The following ATXN2L variants were observed in gnomAD, a reference collection of about 807,000 sequenced individuals.
ATXN2L encodes the protein ataxin-2-like protein.
In ATXN2L, 24 loss-of-function variants were observed where a neutral mutation model predicts 120.7. The ratio of observed to expected loss-of-function variants is 0.20; its 90% confidence interval spans 0.14 to 0.28. ATXN2L has a LOEUF of 0.28. Among genes scored for constraint, ATXN2L ranks in the 10% least tolerant of loss-of-function variants. ATXN2L has a pLI of 1.00. For synonymous variants in ATXN2L, 653 were observed against 568.1 expected (o/e 1.15, Z -2.13); for missense variants, 1,312 against 1,432.3 (o/e 0.92, Z 1.36).
intron 4 of ATXN2L, 79 bp downstream of exon 4, chr16:28,825,920 T>C (rs2051771858): frequency 1.5e-6 from 2 of 1,343,474 alleles, no homozygotes; most frequent in South Asian, 1.2e-5. Flanking sequence ...AGGTGTCAAT[T>C]GGGTGATGTC....
intron 8 of ATXN2L, 25 bp from the exon 9 acceptor site, chr16:28,830,590 G>C: frequency 6.5e-7 from 1 of 1,534,864 alleles, no homozygotes; most frequent in Middle Eastern, 1.8e-4. Flanking sequence ...GTGGCTACCT[G>C]GCCTTATTTG....
In ATXN2L at chr16:28,835,624, G is replaced by A. The variant is rs904683751; in HGVS notation, c.2761G>A (p.Gly921Ser). The change falls in exon 21 of 22, where the codon GGC becomes AGC. Residue 921 changes from glycine to serine, a missense_variant. Coordinates refer to ENST00000336783, the MANE Select transcript of ATXN2L (RefSeq NM_007245.4). ...TCTGTACCACCCAGGGGCCCTGACA[G>A]GCACGCCGCCCTCTCTGCCACCGGG... ...QNLYHPGALT[G>S]TPPSLPPGPS... The A allele has an allele frequency of 6.2e-7, 1 of 1,614,000 alleles. No individual in the cohort carries two copies. Among genetic ancestry groups the A allele is most frequent in the African/African-American group, 1.3e-5 (1 of 75,024 alleles).
chr16:28,833,377 C>T, intron 14 of ATXN2L, 23 bp downstream of exon 14: 4 of 1,613,658 alleles, frequency 2.5e-6, no homozygotes, highest in Non-Finnish European at 3.4e-6. Flanking sequence ...GGGTGGGGCT[C>T]TGGGAGGATG....
intron 10 of ATXN2L, among the ~76,000 whole-genome samples, chr16:28,831,338 C>A (rs1003302759): frequency 6.6e-6 from 1 of 151,720 alleles, no homozygotes; most frequent in Non-Finnish European, 1.5e-5. Context: ...TTGTTTTTTT[C>A]TTTTTTTGAA....
In ATXN2L at chr16:28,834,052, C is replaced by T. The variant is rs766185792; in HGVS notation, c.2026-13C>T. On this transcript the variant is annotated splice_polypyrimidine_tract_variant and intron_variant, in intron 15 of 21. Coordinates refer to ENST00000336783, the MANE Select transcript of ATXN2L (RefSeq NM_007245.4). ...AAAATACAAAATAAAATTGTCCTCC[C>T]TTGTTTTTGCAGAATAAATCCACCA... 1.9e-6 allele frequency: 3 copies of T among 1,610,406 alleles called. No individual in the cohort carries two copies. The South Asian group carries it at 3.3e-5, about 18-fold the overall frequency.
intron 6 of ATXN2L, among the ~76,000 whole-genome samples, chr16:28,827,309 C>T (rs1020177100): frequency 5.3e-5 from 8 of 152,078 alleles, no homozygotes; most frequent in African/African-American, 1.7e-4. Flanking sequence ...TGGCATGTAC[C>T]TGTAGTCCCA....
chr16:28,829,029 C>T (rs1410708027), intron 6 of ATXN2L, among the ~76,000 whole-genome samples: 1 of 152,216 alleles, frequency 6.6e-6, no homozygotes, highest in Non-Finnish European at 1.5e-5. Flanking sequence ...CCACGCCCAG[C>T]TAGTCGCCCA....
At chr16:28,823,809 G>T (rs573950029) in intron 1 of ATXN2L, 1 of 396,698 alleles carries the variant, frequency 2.5e-6, no homozygotes, top group East Asian at 3.9e-5. Context: ...GGCCTTCAGG[G>T]GAGGCGGGGC....
intron 15 of ATXN2L, 196 bp from the exon 16 acceptor site, chr16:28,833,869 T>A: frequency 4.1e-6 from 3 of 724,318 alleles, no homozygotes; most frequent in Non-Finnish European, 6.7e-6. Context: ...ATCTTGGACG[T>A]CACTTACATT....
chr16:28,825,550 G>A (rs986922942), intron 2 of ATXN2L, 74 bp from the exon 3 acceptor site: 9 of 1,548,442 alleles, frequency 5.8e-6, no homozygotes, highest in African/African-American at 2.7e-5. Context: ...AGTAGAGTGC[G>A]GCGGGCATTT....
intron 1 of ATXN2L, 36 bp from the exon 2 acceptor site, chr16:28,825,330 G>T: frequency 1.2e-6 from 2 of 1,608,876 alleles, no homozygotes; most frequent in East Asian, 2.2e-5. Context: ...AAGAGGGCTT[G>T]AACAGACTTA....
chr16:28,826,453 T>C, intron 5 of ATXN2L, 63 bp downstream of exon 5: 1 of 1,550,994 alleles, frequency 6.4e-7, no homozygotes, highest in Non-Finnish European at 8.8e-7. Context: ...GGGTAGTTTG[T>C]GTGCAGGTGG....
At chr16:28,829,608 C>A in intron 7 of ATXN2L, 116 bp downstream of exon 7, 1 of 850,098 alleles carries the variant, frequency 1.2e-6, no homozygotes, top group Non-Finnish European at 1.9e-6. Flanking sequence ...TCCAGGGTCG[C>A]CATCCCTACT....
In ATXN2L at chr16:28,830,019, G is replaced by A. The variant is rs138781614; in HGVS notation, c.995G>A (p.Arg332Gln). The A allele has an allele frequency of 6.8e-6, 11 of 1,614,004 alleles. No homozygotes were observed. Among genetic ancestry groups the A allele is most frequent in the East Asian group, 2.2e-5 (1 of 44,874 alleles). The change falls in exon 8 of 22, where the codon CGG (arginine) becomes CAG (glutamine). Residue 332 changes from arginine (R) to glutamine (Q), a missense_variant. Coordinates refer to ENST00000336783, the MANE Select transcript of ATXN2L (RefSeq NM_007245.4). Reference sequence around the variant, plus strand: ...GAGGAGAAGCACAGTGCAGTCCAGCGGCAGGGCTCAGGGCGGGAGAGCCCC... The same window carrying A: ...GAGGAGAAGCACAGTGCAGTCCAGCAGCAGGGCTCAGGGCGGGAGAGCCCC... The part of the protein sequence containing the change: ...TEEEKHSAVQ[R>Q]QGSGRESPSL...
Position 28,831,006 on chromosome 16 carries a change from G to T in ATXN2L, c.1255G>T (p.Ala419Ser), listed in dbSNP as rs768743112. 1 of 1,609,104 alleles carries T rather than the reference G, an allele frequency of 6.2e-7. No individual in the cohort carries two copies. Among genetic ancestry groups the T allele is most frequent in the Middle Eastern group, 1.7e-4 (1 of 6,048 alleles). The change falls in exon 10 of 22, where the codon GCC becomes TCC. Residue 419 changes from alanine to serine, a missense_variant. Transcript: ENST00000336783. ...SPKAQRPLRGAKTLSSPSNRP... is the reference protein window; with the variant it reads ...SPKAQRPLRGSKTLSSPSNRP... Reference sequence around the variant, plus strand: ...AAAGGCACAACGGCCTCTGAGAGGTGCCAAGACTCTGTCTTCGCCCAGTAA... The same window carrying T: ...AAAGGCACAACGGCCTCTGAGAGGTTCCAAGACTCTGTCTTCGCCCAGTAA...
Position 28,833,421 on chromosome 16 carries a change from C to T in ATXN2L, c.1956-18C>T. 4 of 1,614,166 alleles carry T rather than the reference C, an allele frequency of 2.5e-6. No homozygotes were observed. The highest frequency in any genetic ancestry group is 1.1e-5 in the South Asian group (1 of 91,080). ...GATGAGAGCAAGCCGTGAAGATTTACTGTACTTTCTCTCACAGACAAGTAA... is the reference window on the plus strand; with the variant it reads ...GATGAGAGCAAGCCGTGAAGATTTATTGTACTTTCTCTCACAGACAAGTAA... On this transcript the variant is annotated intron_variant, in intron 14 of 21. Coordinates refer to ENST00000336783, the MANE Select transcript of ATXN2L (RefSeq NM_007245.4).
rs200802916 is a variant in ATXN2L, at chr16:28,823,322, G to A, written c.63G>A (p.Gln21=). 30 of 1,424,196 alleles carry A rather than the reference G, an allele frequency of 2.1e-5. No individual in the cohort carries two copies. The East Asian group carries it at 8.3e-4, about 39-fold the overall frequency. 88.2% of individuals were successfully genotyped at this position (1,424,196 alleles called of 1,614,324 possible). A position where few individuals can be genotyped will look rare whatever the true frequency, so the allele number is the denominator to read the frequency against. Residue 21 remains glutamine, a synonymous_variant, in exon 1 of 22, where the codon CAG becomes CAA. Transcript: ENST00000336783. ...SQPQQPPPTQ[Q]AVARRPPGGT... is the part of the protein sequence containing the mutation. ...CCCAGCAGCCGCCCCCCACGCAACA[G>A]GCCGTGGCCCGTCGGCCCCCCGGGG...
intron 1 of ATXN2L, chr16:28,824,036 T>A (rs1166116603): frequency 3.2e-6 from 3 of 928,774 alleles, no homozygotes; most frequent in Admixed American, 6.2e-5. Context: ...GGTTGCTGCC[T>A]CCCCCTTCCC....
Position 28,835,099 on chromosome 16 carries a change from G to A in ATXN2L, c.2475G>A (p.Leu825=). ...APMLQSNPRM[L]TSGSHPQAIV... The stretch of plus-strand genomic sequence containing the variant: ...TGCTTCAGAGCAACCCACGCATGCT[G>A]ACGTCGGGCAGCCATCCCCAGGCCA... The change falls in exon 19 of 22, where the codon CTG becomes CTA. Residue 825 remains leucine (L), a synonymous_variant. Coordinates refer to ENST00000336783, the MANE Select transcript of ATXN2L (RefSeq NM_007245.4). The A allele has an allele frequency of 6.2e-7, 1 of 1,613,862 alleles. No individual in the cohort carries two copies. Among genetic ancestry groups the A allele is most frequent in the Non-Finnish European group, 8.5e-7 (1 of 1,179,920 alleles).
Sources: gnomAD v4.1 joint callset for allele counts (sites outside exome capture counted in the v4.1 genomes callset) on GRCh38, gnomAD v4.1.1 for gene constraint, MANE v1.5 for transcripts, NCBI Gene and HGNC (gene_info 2026-07-23, HGNC 2026-07-21) for gene names.